NCKAP5: variants seen among roughly 807,000 people sequenced by gnomAD.
NCKAP5 encodes the protein NCK associated protein 5.
In NCKAP5, 92 loss-of-function variants were observed where a neutral mutation model predicts 167.0. That is an observed-to-expected ratio of 0.55 (90% CI 0.47 to 0.66). The LOEUF (loss-of-function observed/expected upper bound fraction) is 0.66, where lower values mean the gene tolerates loss of function less well. Ranked by LOEUF, NCKAP5 falls within the 30% of genes least tolerant of loss-of-function variation. The pLI, the probability that NCKAP5 is intolerant of heterozygous loss-of-function variation, is 0.00. For synonymous variants in NCKAP5, 891 were observed against 877.4 expected (o/e 1.02, Z -0.27); for missense variants, 2,378 against 2,315.0 (o/e 1.03, Z -0.56).
At chr2:133,308,546 T>G (rs1401996837) in intron 3 of NCKAP5, among the ~76,000 whole-genome samples, 1 of 152,070 alleles carries the variant, frequency 6.6e-6, no homozygotes, top group Non-Finnish European at 1.5e-5. Flanking sequence ...GAAATCAGCC[T>G]GAGGAAATAA....
At chr2:132,912,563 C>T (rs750472953) in intron 8 of NCKAP5, among the ~76,000 whole-genome samples, 4 of 152,122 alleles carry the variant, frequency 2.6e-5, no homozygotes, top group Non-Finnish European at 5.9e-5. Context: ...TCCTATGGTT[C>T]CTTTGATGCT....
intron 8 of NCKAP5, chr2:132,911,036 C>T (rs935973212): frequency 1.3e-4 from 25 of 188,870 alleles, no homozygotes; most frequent in Admixed American, 9.7e-4. Flanking sequence ...GTCTTCTGAC[C>T]GACACCACCC....
intron 19 of NCKAP5, among the ~76,000 whole-genome samples, chr2:132,689,054 A>G (rs1043299905): frequency 6.6e-6 from 1 of 151,454 alleles, no homozygotes; most frequent in Non-Finnish European, 1.5e-5. Context: ...CTTTGGTTGA[A>G]CTCCCTACCC....
chr2:133,359,935 G>T (rs1267615399), intron 3 of NCKAP5, among the ~76,000 whole-genome samples: 1 of 152,126 alleles, frequency 6.6e-6, no homozygotes, highest in Admixed American at 6.5e-5. Context: ...GAAACTGAGG[G>T]CGAAATTGAT....
intron 6 of NCKAP5, chr2:133,118,980 G>T (rs2082169024): frequency 1.3e-5 from 2 of 152,084 alleles, no homozygotes; most frequent in Admixed American, 1.3e-4. Context: ...ACAGAAAAAT[G>T]GTGGTTGCCC....
intron 19 of NCKAP5, among the ~76,000 whole-genome samples, chr2:132,685,853 T>C (rs748264488): frequency 1.3e-5 from 2 of 152,164 alleles, no homozygotes; most frequent in East Asian, 3.9e-4. Context: ...CAACTCTCCA[T>C]CCATTTATGG....
At position 132,836,350 on chromosome 2, in the gene NCKAP5, G is replaced by A. The variant is rs1687882901; in HGVS notation, c.807+24142C>T. ...CATTATCATGACCACTGATTGCACG[G>A]CTGACTAAATGGCGCACTCCATGAC... On this transcript the variant is annotated intron_variant, in intron 11 of 19. Coordinates refer to ENST00000409261, the MANE Select transcript of NCKAP5 (RefSeq NM_207363.3). Among the ~76,000 whole-genome samples the A allele has an allele frequency of 5.3e-5, 8 of 151,908 alleles. No homozygotes were observed. The South Asian group carries it at 1.7e-3, about 32-fold the overall frequency.
At chr2:133,277,279 A>G (rs2089768565) in intron 4 of NCKAP5, among the ~76,000 whole-genome samples, 1 of 152,210 alleles carries the variant, frequency 6.6e-6, no homozygotes, top group Non-Finnish European at 1.5e-5. Context: ...CTGGAAAATG[A>G]AGAAAATTAT....
At chr2:132,791,826 C>T (rs4953990) in intron 12 of NCKAP5, among the ~76,000 whole-genome samples, 92,858 of 152,034 alleles carry the variant, frequency 0.61, 29,942 homozygotes, top group East Asian at 0.88. Context: ...TACATCAGTA[C>T]ACAGGGCATG....
chr2:132,949,048 A>AGAAAAGAAAAGAAAC (rs2076100297), intron 8 of NCKAP5, among the ~76,000 whole-genome samples: 1 of 129,872 alleles, frequency 7.7e-6, no homozygotes, highest in Admixed American at 7.3e-5. Flanking sequence ...AGAAAAGAAA[A>AGAAAAGAAAAGAAAC]GAAACATGGT....
intron 3 of NCKAP5, among the ~76,000 whole-genome samples, chr2:133,495,685 T>C (rs1295548026): frequency 6.6e-6 from 1 of 152,160 alleles, no homozygotes; most frequent in Admixed American, 6.5e-5. Context: ...TCCAGAGACA[T>C]GTCTGTGGAG....
chr2:133,034,971 C>A (rs575023902), intron 6 of NCKAP5, among the ~76,000 whole-genome samples: 1 of 151,790 alleles, frequency 6.6e-6, no homozygotes, highest in Non-Finnish European at 1.5e-5. Flanking sequence ...CATAGACTGG[C>A]TGAATAAACG....
At chr2:133,561,934 T>C (rs992401999) in intron 1 of NCKAP5, among the ~76,000 whole-genome samples, 3 of 152,190 alleles carry the variant, frequency 2.0e-5, no homozygotes, top group Admixed American at 2.0e-4. Flanking sequence ...GATGTGATCA[T>C]AGTGATTTGA....
At chr2:133,609,681 C>A in the NCKAP5 span, among the ~76,000 whole-genome samples, 1 of 152,086 alleles carries the variant, frequency 6.6e-6, no homozygotes, top group African/African-American at 2.4e-5. Flanking sequence ...TCATCTCCAC[C>A]AAATGGCTTG....
intron 4 of NCKAP5, among the ~76,000 whole-genome samples, chr2:133,291,499 T>C (rs1417680395): frequency 6.6e-6 from 1 of 152,168 alleles, no homozygotes; most frequent in Non-Finnish European, 1.5e-5. Flanking sequence ...TCTCCCCTAT[T>C]GGTAAAATGT....
At chr2:133,165,576 A>G (rs754627950) in intron 5 of NCKAP5, among the ~76,000 whole-genome samples, 7 of 152,184 alleles carry the variant, frequency 4.6e-5, no homozygotes, top group Non-Finnish European at 7.3e-5. Context: ...CTCAGATGAA[A>G]GGAACTGCAG....
chr2:133,431,167 A>T (rs919573929), intron 3 of NCKAP5, among the ~76,000 whole-genome samples: 1 of 152,172 alleles, frequency 6.6e-6, no homozygotes, highest in Non-Finnish European at 1.5e-5. Flanking sequence ...TGTGCTGATG[A>T]GACAGATAGG....
chr2:133,608,805 G>A, the NCKAP5 span, among the ~76,000 whole-genome samples: 5 of 152,106 alleles, frequency 3.3e-5, no homozygotes, highest in African/African-American at 1.2e-4. Context: ...CCTCTGCACA[G>A]ATTATTGGTT....
intron 5 of NCKAP5, among the ~76,000 whole-genome samples, chr2:133,146,462 C>A (rs1382233944): frequency 6.6e-6 from 1 of 152,052 alleles, no homozygotes; most frequent in Non-Finnish European, 1.5e-5. Context: ...TACTTTTAGA[C>A]CCCAAATGCA....
Sources: gnomAD v4.1 joint callset for allele counts (sites outside exome capture counted in the v4.1 genomes callset) on GRCh38, gnomAD v4.1.1 for gene constraint, MANE v1.5 for transcripts, NCBI Gene and HGNC (gene_info 2026-07-23, HGNC 2026-07-21) for gene names.